CACNB4: variants seen among roughly 807,000 people sequenced by gnomAD.
The protein encoded by CACNB4 is calcium voltage-gated channel auxiliary subunit beta 4, also known as voltage-dependent L-type calcium channel subunit beta-4.
Under a neutral mutation model 71.2 loss-of-function variants are expected in CACNB4, and 32 were observed. That is an observed-to-expected ratio of 0.45 (90% CI 0.34 to 0.60). CACNB4 has a LOEUF of 0.60. CACNB4 is among the 20% of genes least tolerant of loss of function. The probability of loss-of-function intolerance (pLI) is 0.01; values close to 1 mark genes in which losing one functional copy is unlikely to be tolerated. For missense variants in CACNB4, 464 were observed against 647.9 expected (o/e 0.72, Z 3.08); for synonymous variants, 231 against 236.9 (o/e 0.97, Z 0.23).
At chr2:151,859,443 G>A (rs2099841111) in intron 10 of CACNB4, 1 of 152,188 alleles carries the variant, frequency 6.6e-6, no homozygotes, top group African/African-American at 2.4e-5. Context: ...TACAAAATGG[G>A]TAGAAAACAG....
At chr2:152,042,161 C>T (rs918646807) in intron 2 of CACNB4, among the ~76,000 whole-genome samples, 1 of 152,190 alleles carries the variant, frequency 6.6e-6, no homozygotes, top group Non-Finnish European at 1.5e-5. Flanking sequence ...CCAGAAGCTT[C>T]CAAACTAATT....
chr2:151,992,195 T>A (rs1465684660), intron 2 of CACNB4, among the ~76,000 whole-genome samples: 1 of 152,176 alleles, frequency 6.6e-6, no homozygotes, highest in African/African-American at 2.4e-5. Context: ...GCTGGATGCA[T>A]AAGCACTGTC....
At chr2:151,885,428 CA>C (rs1199772974) in intron 2 of CACNB4, among the ~76,000 whole-genome samples, 4 of 152,222 alleles carry the variant, frequency 2.6e-5, no homozygotes, top group African/African-American at 9.6e-5. Context: ...TTAGAGCCAG[CA>C]GATTCACATC....
intron 2 of CACNB4, among the ~76,000 whole-genome samples, chr2:151,966,213 C>G (rs573026242): frequency 6.6e-6 from 1 of 152,192 alleles, no homozygotes; most frequent in African/African-American, 2.4e-5. Context: ...TGCCCATGGT[C>G]ACTGTTAAGA....
At chr2:151,955,002 C>T (rs532330365) in intron 2 of CACNB4, among the ~76,000 whole-genome samples, 281 of 151,932 alleles carry the variant, frequency 1.8e-3, no homozygotes, top group Non-Finnish European at 3.4e-3. Context: ...TACAGGCACC[C>T]GCCACGATGC....
At position 151,930,816 on chromosome 2, in the gene CACNB4, TG is replaced by T. The variant is rs1464974465; in HGVS notation, c.148-47447del. Among the ~76,000 whole-genome samples the T allele has an allele frequency of 2.6e-5, 4 of 152,312 alleles. No individual in the cohort carries two copies. In the South Asian group the frequency reaches 8.3e-4, roughly 32 times the overall value. On this transcript the variant is annotated intron_variant, in intron 2 of 13. Transcript: ENST00000539935. ...TGCATATATTTACATACAGTATATA[TG>T]TAATATTTACATATAGTTCATTATG... is the stretch of plus-strand genomic sequence containing the variant.
chr2:152,018,597 G>A (rs1359829271), intron 2 of CACNB4, among the ~76,000 whole-genome samples: 2 of 152,092 alleles, frequency 1.3e-5, no homozygotes, highest in Non-Finnish European at 2.9e-5. Flanking sequence ...GAGCCCAAGA[G>A]TTCGAGACCA....
chr2:151,887,307 G>A (rs2151466547), intron 2 of CACNB4, among the ~76,000 whole-genome samples: 1 of 152,160 alleles, frequency 6.6e-6, no homozygotes, highest in Admixed American at 6.5e-5. Context: ...ACAGGGACTA[G>A]TCCCTCAAAA....
intron 2 of CACNB4, among the ~76,000 whole-genome samples, chr2:151,909,635 T>A (rs1200955923): frequency 6.6e-6 from 1 of 151,970 alleles, no homozygotes; most frequent in African/African-American, 2.4e-5. Context: ...CCATGTGTTC[T>A]CAATGTTCAA....
intron 2 of CACNB4, among the ~76,000 whole-genome samples, chr2:152,027,848 G>A (rs1181791587): frequency 2.1e-4 from 13 of 60,954 alleles, no homozygotes; most frequent in Admixed American, 3.4e-4. Flanking sequence ...GTGAGACTCC[G>A]TCTCAAAAAA....
At chr2:152,059,010 G>A (rs752581192) in intron 2 of CACNB4, among the ~76,000 whole-genome samples, 3 of 152,260 alleles carry the variant, frequency 2.0e-5, no homozygotes, top group Non-Finnish European at 4.4e-5. Flanking sequence ...TCCATGTGGT[G>A]TTTGTCCTGT....
At chr2:151,894,719 TACA>T (rs2099851569) in intron 2 of CACNB4, among the ~76,000 whole-genome samples, 3 of 152,084 alleles carry the variant, frequency 2.0e-5, no homozygotes, top group Non-Finnish European at 4.4e-5. Context: ...TGTTGCAGGA[TACA>T]AAATAAACAT....
Position 151,937,152 on chromosome 2 carries a change from A to G in CACNB4, c.148-53782T>C, listed in dbSNP as rs867583812. On this transcript the variant is annotated intron_variant, in intron 2 of 13. Coordinates refer to ENST00000539935, the MANE Select transcript of CACNB4 (RefSeq NM_000726.5). Reference sequence around the variant, plus strand: ...TTGTTTTCTCATCGGAAACCACTGAAATTAACCCATTTCAATGAATTCCTA... The same window carrying G: ...TTGTTTTCTCATCGGAAACCACTGAGATTAACCCATTTCAATGAATTCCTA... Among the ~76,000 whole-genome samples, 5 of 152,308 alleles carry G rather than the reference A, an allele frequency of 3.3e-5. No individual in the cohort carries two copies. The South Asian group carries it at 6.2e-4, about 19-fold the overall frequency.
At chr2:151,888,318 T>G (rs2151469327) in intron 2 of CACNB4, among the ~76,000 whole-genome samples, 1 of 152,194 alleles carries the variant, frequency 6.6e-6, no homozygotes, top group South Asian at 2.1e-4. Flanking sequence ...TCCCAGCACT[T>G]TGGGAGGCTG....
chr2:151,943,091 C>T (rs1486954068), intron 2 of CACNB4, among the ~76,000 whole-genome samples: 2 of 151,080 alleles, frequency 1.3e-5, no homozygotes, highest in African/African-American at 4.8e-5. Context: ...TACACCCCCT[C>T]CCCTTTTGAA....
chr2:152,054,902 C>A (rs927402337), intron 2 of CACNB4, among the ~76,000 whole-genome samples: 1 of 152,094 alleles, frequency 6.6e-6, no homozygotes, highest in African/African-American at 2.4e-5. Context: ...CTATCCATTG[C>A]CTATTTTTGA....
intron 2 of CACNB4, among the ~76,000 whole-genome samples, chr2:152,063,402 G>A (rs1686124808): frequency 6.6e-6 from 1 of 152,184 alleles, no homozygotes. Flanking sequence ...AACTGAGGCA[G>A]AGAGTGATTA....
In CACNB4 at chr2:151,939,208, C is replaced by T. The variant is rs2099863668; in HGVS notation, c.148-55838G>A. Among the ~76,000 whole-genome samples the T allele has an allele frequency of 2.6e-5, 4 of 152,350 alleles. No individual in the cohort carries two copies. The South Asian group carries it at 8.3e-4, about 32-fold the overall frequency. Reference sequence around the variant, plus strand: ...GAAAAGAGTCTACCCTCAGTTTTGACTTCCAAAATGATTGTGTTTTTATAC... The same window carrying T: ...GAAAAGAGTCTACCCTCAGTTTTGATTTCCAAAATGATTGTGTTTTTATAC... On this transcript the variant is annotated intron_variant, in intron 2 of 13. Coordinates refer to ENST00000539935, the MANE Select transcript of CACNB4 (RefSeq NM_000726.5).
Position 152,098,579 on chromosome 2 carries a change from C to CCCCCCCCACAAA in CACNB4, c.64-167_64-166insTTTGTGGGGGGG. ...CCCAAATACAGCCCCCACCCCCACC[C>CCCCCCCCACAAA]ACCCACTGCAAGCCTCGACTGCTGA... On this transcript the variant is annotated intron_variant, in intron 1 of 13. Coordinates refer to ENST00000539935, the MANE Select transcript of CACNB4 (RefSeq NM_000726.5). The surrounding 1 kb of genome is among the most constrained non-coding windows in gnomAD (Gnocchi z 5.3). 2 of 943,714 alleles carry CCCCCCCCACAAA rather than the reference C, an allele frequency of 2.1e-6. No homozygotes were observed. The highest frequency in any genetic ancestry group is 3.4e-6 in the Non-Finnish European group (2 of 591,326). The allele number at this position is 943,714 out of a possible 1,614,324, so 58.5% of individuals were successfully genotyped here.
Sources: allele counts gnomAD v4.1 joint callset (sites outside exome capture counted in the v4.1 genomes callset), GRCh38; gene constraint gnomAD v4.1.1; non-coding constraint Gnocchi (gnomAD v3.1); transcripts MANE v1.5; gene names NCBI Gene and HGNC (gene_info 2026-07-23, HGNC 2026-07-21).